The following FAM151B variants were observed in gnomAD, a reference collection of about 807,000 sequenced individuals.
FAM151B encodes family with sequence similarity 151 member B, also known as protein FAM151B.
Under a neutral mutation model 31.2 loss-of-function variants are expected in FAM151B, and 24 were observed. The observed-to-expected ratio is 0.77, with a 90% CI of 0.56 to 1.08. The LOEUF (loss-of-function observed/expected upper bound fraction) is 1.08, where lower values mean the gene tolerates loss of function less well. Among genes scored for constraint, FAM151B ranks in the 50% least tolerant of loss-of-function variants. The pLI is 0.00. For synonymous variants in FAM151B, 105 were observed against 111.4 expected, an observed-to-expected ratio of 0.94 and a Z score of 0.36; for missense variants, 293 against 328.6, an observed-to-expected ratio of 0.89 and a Z score of 0.84.
chr5:80,536,257 G>A (rs1050269740), intron 5 of FAM151B, among the ~76,000 whole-genome samples: 4 of 151,790 alleles, frequency 2.6e-5, no homozygotes, highest in Non-Finnish European at 4.4e-5. Flanking sequence ...TGCAACCTCC[G>A]CCTCCCAGGT....
At chr5:80,540,164 T>G (rs1267950567) in intron 5 of FAM151B, among the ~76,000 whole-genome samples, 2 of 152,122 alleles carry the variant, frequency 1.3e-5, no homozygotes, top group Non-Finnish European at 2.9e-5. Context: ...CAGAAAACTC[T>G]CCAAGAACAT....
chr5:80,519,614 T>C, intron 3 of FAM151B, 79 bp from the exon 4 acceptor site: 1 of 1,167,030 alleles, frequency 8.6e-7, no homozygotes, highest in Non-Finnish European at 1.2e-6. Context: ...TTTGAGAACA[T>C]TGAGACCACT....
intron 1 of FAM151B, among the ~76,000 whole-genome samples, chr5:80,498,271 G>A (rs1469108444): frequency 1.3e-5 from 2 of 152,108 alleles, no homozygotes; most frequent in African/African-American, 2.4e-5. Context: ...ATAGGGCCAC[G>A]TGTTTTCAGT....
At chr5:80,500,451 T>C in intron 1 of FAM151B, 1 of 975,518 alleles carries the variant, frequency 1.0e-6, no homozygotes, top group South Asian at 1.3e-5. Flanking sequence ...ACCCAAAAGA[T>C]GCTTTGAAAG....
chr5:80,521,805 A>AT (rs1190628065), intron 4 of FAM151B, among the ~76,000 whole-genome samples, 198 bp from the exon 5 acceptor site: 1 of 152,028 alleles, frequency 6.6e-6, no homozygotes, highest in Non-Finnish European at 1.5e-5. Flanking sequence ...TTGTGGAATG[A>AT]TTTTTTATCT....
intron 5 of FAM151B, among the ~76,000 whole-genome samples, chr5:80,536,182 T>C (rs976807220): frequency 1.3e-5 from 2 of 152,058 alleles, no homozygotes; most frequent in Non-Finnish European, 2.9e-5. Context: ...TTTTGTTTTG[T>C]TTTTTTGAGA....
At chr5:80,495,891 G>A (rs938376842) in intron 1 of FAM151B, among the ~76,000 whole-genome samples, 1 of 147,418 alleles carries the variant, frequency 6.8e-6, no homozygotes, top group East Asian at 2.0e-4. Context: ...TTAGAATGGA[G>A]CCTGAAGATG....
chr5:80,517,898 C>T (rs1001709987), intron 3 of FAM151B, among the ~76,000 whole-genome samples: 2 of 151,734 alleles, frequency 1.3e-5, no homozygotes, highest in African/African-American at 4.8e-5. Context: ...ATGGTGAAAC[C>T]CCATCTCTAC....
chr5:80,520,899 C>T (rs1381361668), intron 4 of FAM151B, among the ~76,000 whole-genome samples: 1 of 148,748 alleles, frequency 6.7e-6, no homozygotes, highest in African/African-American at 2.5e-5. Context: ...ACCTCCACCT[C>T]CCAGGTTCCC....
intron 5 of FAM151B, among the ~76,000 whole-genome samples, chr5:80,541,105 T>C (rs913030942): frequency 2.0e-5 from 3 of 152,212 alleles, no homozygotes; most frequent in Non-Finnish European, 4.4e-5. Flanking sequence ...TGAATTTACA[T>C]AGGTTATTGG....
chr5:80,514,005 G>A (rs1003407525), intron 3 of FAM151B, among the ~76,000 whole-genome samples: 10 of 152,030 alleles, frequency 6.6e-5, no homozygotes, highest in East Asian at 1.9e-4. Context: ...AGTGACCATC[G>A]TGACAACAGA....
chr5:80,489,749 C>G (rs1177588753), intron 1 of FAM151B, among the ~76,000 whole-genome samples: 1 of 152,120 alleles, frequency 6.6e-6, no homozygotes, highest in Non-Finnish European at 1.5e-5. Context: ...ACAGTGAAAC[C>G]TCGTCTCTAC....
intron 2 of FAM151B, among the ~76,000 whole-genome samples, chr5:80,508,068 T>C (rs1389035849): frequency 6.6e-6 from 1 of 152,250 alleles, no homozygotes; most frequent in African/African-American, 2.4e-5. Flanking sequence ...TCAATTAGTA[T>C]GTTTTCAAAG....
At chr5:80,510,061 C>A (rs554874322) in intron 2 of FAM151B, among the ~76,000 whole-genome samples, 1 of 152,160 alleles carries the variant, frequency 6.6e-6, no homozygotes, top group South Asian at 2.1e-4. Flanking sequence ...GATATGGCAA[C>A]ACTCCACTTC....
intron 5 of FAM151B, among the ~76,000 whole-genome samples, chr5:80,523,543 T>C (rs893859671): frequency 6.6e-6 from 1 of 152,284 alleles, no homozygotes; most frequent in Middle Eastern, 3.4e-3. Context: ...GAAGCATCGT[T>C]TGTATTAATA....
intron 2 of FAM151B, among the ~76,000 whole-genome samples, chr5:80,506,980 A>G (rs919161978): frequency 8.6e-5 from 13 of 152,026 alleles, no homozygotes; most frequent in Non-Finnish European, 2.9e-5. Flanking sequence ...TTAGCTGTGC[A>G]TGGTGGTGCA....
rs559426004 is a variant in FAM151B at position 80,522,210 on chromosome 5, A to T, written c.671+72A>T. The T allele has an allele frequency of 5.4e-6, 8 of 1,474,194 alleles. No individual in the cohort carries two copies. The African/African-American group carries it at 1.1e-4, about 20-fold the overall frequency. 91.3% of individuals were successfully genotyped at this position (1,474,194 alleles called of 1,614,324 possible). A position where few individuals can be genotyped will look rare whatever the true frequency, so the allele number is the denominator to read the frequency against. On this transcript the variant is annotated intron_variant, in intron 5 of 5. Coordinates refer to ENST00000282226, the MANE Select transcript of FAM151B (RefSeq NM_205548.3). ...AGAGATAGAAAGGGCATGAAAATTG[A>T]TTATTTAAAGACAGTGTGTGTGAGA...
At position 80,498,859 on chromosome 5, in the gene FAM151B, A is replaced by T. The variant is rs554262913; in HGVS notation, c.26-2933A>T. The T allele has an allele frequency of 3.3e-5, 13 of 394,852 alleles. 1 individual carries two copies. The highest frequency in any genetic ancestry group is 3.1e-4 in the South Asian group (13 of 41,862). 24.5% of individuals were successfully genotyped at this position (394,852 alleles called of 1,614,324 possible). ...CCATTTTCCAGTTGCTTGCCAGCAG[A>T]GATCCGTCTTTGCTGATCAGGAGGA... On this transcript the variant is annotated intron_variant, in intron 1 of 5. Coordinates refer to ENST00000282226, the MANE Select transcript of FAM151B (RefSeq NM_205548.3).
At position 80,500,797 on chromosome 5, in the gene FAM151B, C is replaced by T. The variant is rs140035901; in HGVS notation, c.26-995C>T. Reference sequence around the variant, plus strand: ...GTCAGTAAATGAACTAATCTACAAGCGTGGTTATGGCAAAATCAATAAGAA... The same window carrying T: ...GTCAGTAAATGAACTAATCTACAAGTGTGGTTATGGCAAAATCAATAAGAA... On this transcript the variant is annotated intron_variant, in intron 1 of 5. Transcript: ENST00000282226. The T allele has an allele frequency of 4.0e-4, 589 of 1,483,358 alleles. 2 individuals carry two copies. In the African/African-American group the frequency reaches 7.5e-3, roughly 19 times the overall value. 91.9% of individuals were successfully genotyped at this position (1,483,358 alleles called of 1,614,324 possible). A position where few individuals can be genotyped will look rare whatever the true frequency, so the allele number is the denominator to read the frequency against.
Sources: gnomAD v4.1 joint callset for allele counts (sites outside exome capture counted in the v4.1 genomes callset) on GRCh38, gnomAD v4.1.1 for gene constraint, MANE v1.5 for transcripts, NCBI Gene and HGNC (gene_info 2026-07-23, HGNC 2026-07-21) for gene names.